Variants in PTBP3 observed in about 807,000 individuals in gnomAD.
The protein encoded by PTBP3 is polypyrimidine tract-binding protein 3.
In PTBP3, 20 loss-of-function variants were observed where a neutral mutation model predicts 58.7. The observed-to-expected ratio is 0.34, with a 90% CI of 0.24 to 0.50. The LOEUF (loss-of-function observed/expected upper bound fraction) is 0.50, where lower values mean the gene tolerates loss of function less well. PTBP3 is among the 20% of genes least tolerant of loss of function. The probability of loss-of-function intolerance (pLI) is 0.98; values close to 1 mark genes in which losing one functional copy is unlikely to be tolerated. For missense variants in PTBP3, 509 were observed against 637.2 expected (o/e 0.80, Z 2.17); for synonymous variants, 185 against 219.8 (o/e 0.84, Z 1.40).
intron 1 of PTBP3, among the ~76,000 whole-genome samples, chr9:112,316,511 A>G (rs1400795189): frequency 6.6e-6 from 1 of 152,200 alleles, no homozygotes; most frequent in Non-Finnish European, 1.5e-5. Flanking sequence ...AGATGACTGC[A>G]GCACCCACCA....
chr9:112,269,573 C>T (rs905249247), intron 3 of PTBP3, among the ~76,000 whole-genome samples: 3 of 152,168 alleles, frequency 2.0e-5, no homozygotes, highest in Admixed American at 6.5e-5. Flanking sequence ...GGCTATGACA[C>T]CTTACTCATT....
chr9:112,358,337 T>A, the PTBP3 span, among the ~76,000 whole-genome samples: 1 of 151,832 alleles, frequency 6.6e-6, no homozygotes, highest in African/African-American at 2.4e-5. Context: ...GGAAGGAGGG[T>A]GCCACTGATG....
At chr9:112,233,605 C>G (rs1215626428) in intron 8 of PTBP3, among the ~76,000 whole-genome samples, 7 of 152,028 alleles carry the variant, frequency 4.6e-5, no homozygotes, top group Admixed American at 4.6e-4. Flanking sequence ...TCATATCACT[C>G]TTTCTGTTAA....
chr9:112,263,528 G>A (rs1302413166), intron 4 of PTBP3, among the ~76,000 whole-genome samples: 1 of 152,122 alleles, frequency 6.6e-6, no homozygotes, highest in Non-Finnish European at 1.5e-5. Flanking sequence ...GGAAACATCA[G>A]ACAAACTCAA....
chr9:112,240,899 T>G (rs1197805370), intron 7 of PTBP3, among the ~76,000 whole-genome samples: 1 of 151,844 alleles, frequency 6.6e-6, no homozygotes, highest in Non-Finnish European at 1.5e-5. Context: ...GAAAAAAGTT[T>G]AATAGAAAAA....
rs35276003 is a variant in PTBP3 at position 112,295,601 on chromosome 9, TAAAAAAAAAA to T, written c.34+2221_34+2230del. Among the ~76,000 whole-genome samples, 29 of 92,500 alleles carry T rather than the reference TAAAAAAAAAA, an allele frequency of 3.1e-4. No homozygotes were observed. The South Asian group carries it at 8.9e-3, about 28-fold the overall frequency. The allele number at this position is 92,500 out of a possible 152,430, so 60.7% of individuals were successfully genotyped here. A position where few individuals can be genotyped will look rare whatever the true frequency, so the allele number is the denominator to read the frequency against. ...CAGATAAAAATTGAGGTTCTGTTGG[TAAAAAAAAAA>T]AAAAAAAAAAAAGAATAGCATTGGG... On this transcript the variant is annotated intron_variant, in intron 2 of 13. Transcript: ENST00000374257.
intron 5 of PTBP3, among the ~76,000 whole-genome samples, chr9:112,260,156 G>A (rs915012627): frequency 2.0e-5 from 3 of 152,070 alleles, no homozygotes; most frequent in African/African-American, 4.8e-5. Flanking sequence ...TCATCCACCC[G>A]CCTTGGCCTC....
the PTBP3 span, among the ~76,000 whole-genome samples, chr9:112,361,768 T>C: frequency 6.7e-6 from 1 of 149,672 alleles, no homozygotes; most frequent in East Asian, 1.9e-4. Flanking sequence ...CTCTTTTGAC[T>C]GTGGACATTC....
At chr9:112,368,464 C>T in the PTBP3 span, among the ~76,000 whole-genome samples, 1 of 152,178 alleles carries the variant, frequency 6.6e-6, no homozygotes. Flanking sequence ...AGCCACCGTG[C>T]CCAGCCCAGG....
chr9:112,227,180 T>C (rs905193676), intron 12 of PTBP3, among the ~76,000 whole-genome samples: 10 of 152,224 alleles, frequency 6.6e-5, no homozygotes, highest in African/African-American at 2.2e-4. Flanking sequence ...AAATAACTAG[T>C]TGTGAATTCT....
At chr9:112,369,307 G>C in the PTBP3 span, among the ~76,000 whole-genome samples, 1 of 152,194 alleles carries the variant, frequency 6.6e-6, no homozygotes, top group Non-Finnish European at 1.5e-5. Flanking sequence ...AAAAGTCACA[G>C]ACACTCAACA....
chr9:112,220,942 T>A lies in PTBP3; in HGVS notation c.*2909A>T. The A allele has an allele frequency of 1.0e-6, 1 of 963,998 alleles. No homozygotes were observed. Among genetic ancestry groups the A allele is most frequent in the South Asian group, 4.8e-5 (1 of 20,804 alleles). 59.7% of individuals were successfully genotyped at this position (963,998 alleles called of 1,614,324 possible). ...AAAACCATTGCTAGAAGATACTGAA[T>A]AAATGCATGCCAAAACAGAGATACA... On this transcript the variant is annotated 3_prime_UTR_variant, in exon 14 of 14. Coordinates refer to ENST00000374257, the MANE Select transcript of PTBP3 (RefSeq NM_001163788.4).
intron 13 of PTBP3, 74 bp downstream of exon 13, chr9:112,224,058 CT>C: frequency 1.9e-6 from 3 of 1,552,472 alleles, no homozygotes; most frequent in Non-Finnish European, 2.6e-6. Context: ...CACCAGAAGA[CT>C]TCACTGAACT....
chr9:112,220,526 A>T lies in PTBP3; in HGVS notation c.*3325T>A, dbSNP rs1564380563. On this transcript the variant is annotated 3_prime_UTR_variant, in exon 14 of 14. Coordinates refer to ENST00000374257, the MANE Select transcript of PTBP3 (RefSeq NM_001163788.4). The stretch of plus-strand genomic sequence containing the variant: ...AAGGGAACAGGCAGGCATAAATGAT[A>T]TCTCCAAAAACTGAGCTCAGCAACT... The T allele has an allele frequency of 2.9e-6, 3 of 1,025,396 alleles. No homozygotes were observed. The highest frequency in any genetic ancestry group is 3.5e-6 in the Non-Finnish European group (3 of 852,654). The allele number at this position is 1,025,396 out of a possible 1,614,324, so 63.5% of individuals were successfully genotyped here.
chr9:112,353,732 G>A, the PTBP3 span, among the ~76,000 whole-genome samples: 2 of 151,872 alleles, frequency 1.3e-5, no homozygotes, highest in African/African-American at 4.8e-5. Flanking sequence ...GAGGCGGGCT[G>A]ATCACCCGAG....
At chr9:112,240,929 C>T (rs1048582755) in intron 7 of PTBP3, among the ~76,000 whole-genome samples, 2 of 151,588 alleles carry the variant, frequency 1.3e-5, no homozygotes, top group Non-Finnish European at 2.9e-5. Context: ...AATAAGGCTA[C>T]GAAGAAAAAA....
chr9:112,343,614 A>G, the PTBP3 span, among the ~76,000 whole-genome samples: 1 of 151,822 alleles, frequency 6.6e-6, no homozygotes, highest in Non-Finnish European at 1.5e-5. Flanking sequence ...ACATGGTGAA[A>G]CCCCGTCTCT....
chr9:112,268,001 A>G, intron 4 of PTBP3, 48 bp downstream of exon 4: 1 of 1,531,004 alleles, frequency 6.5e-7, no homozygotes, highest in Non-Finnish European at 8.9e-7. Flanking sequence ...GTAAGTTATC[A>G]TACCATGTGT....
chr9:112,374,995 T>G, the PTBP3 span, among the ~76,000 whole-genome samples: 1 of 152,202 alleles, frequency 6.6e-6, no homozygotes. Context: ...CAGGTCAGCC[T>G]TGGTGAGTGG....
Sources: allele counts gnomAD v4.1 joint callset (sites outside exome capture counted in the v4.1 genomes callset), GRCh38; gene constraint gnomAD v4.1.1; transcripts MANE v1.5; gene names NCBI Gene and HGNC (gene_info 2026-07-23, HGNC 2026-07-21).